The following PCDH9 variants were observed in gnomAD, a reference collection of about 807,000 sequenced individuals.
PCDH9 encodes protocadherin 9, also known as protocadherin-9.
PCDH9 carries 24 observed loss-of-function variants against 70.6 expected under a neutral mutation model. The ratio of observed to expected loss-of-function variants is 0.34; its 90% CI spans 0.25 to 0.48. The LOEUF (loss-of-function observed/expected upper bound fraction) is 0.48, where lower values mean the gene tolerates loss of function less well. PCDH9 is among the 20% of genes least tolerant of loss of function. The pLI is 0.99. For synonymous variants in PCDH9, 562 were observed against 558.5 expected (o/e 1.01, Z -0.09); for missense variants, 1,281 against 1,503.6 (o/e 0.85, Z 2.45).
At chr13:66,725,317 A>T (rs2078992216) in intron 3 of PCDH9, among the ~76,000 whole-genome samples, 2 of 152,156 alleles carry the variant, frequency 1.3e-5, no homozygotes, top group African/African-American at 4.8e-5. Context: ...GATTAGTGTA[A>T]TAGCCTTTTA....
At chr13:66,676,700 T>C (rs2078247914) in intron 3 of PCDH9, among the ~76,000 whole-genome samples, 2 of 152,086 alleles carry the variant, frequency 1.3e-5, no homozygotes, top group African/African-American at 4.8e-5. Context: ...ATTATCTATC[T>C]ATTGACCAAT....
intron 2 of PCDH9, among the ~76,000 whole-genome samples, chr13:66,951,832 G>A (rs1360810050): frequency 1.3e-5 from 2 of 152,164 alleles, no homozygotes; most frequent in Non-Finnish European, 2.9e-5. Flanking sequence ...CTTTTTGTAT[G>A]TAGATACAGT....
intron 3 of PCDH9, among the ~76,000 whole-genome samples, chr13:66,855,095 A>G (rs2081373737): frequency 6.6e-6 from 1 of 152,120 alleles, no homozygotes; most frequent in African/African-American, 2.4e-5. Flanking sequence ...CCTTTCTTGT[A>G]CTTCATAAGT....
intron 4 of PCDH9, among the ~76,000 whole-genome samples, chr13:66,565,490 T>C (rs1041843847): frequency 6.6e-5 from 10 of 151,950 alleles, no homozygotes; most frequent in African/African-American, 2.4e-4. Context: ...CCAGAGAGAG[T>C]GGCAGATTTT....
intron 4 of PCDH9, among the ~76,000 whole-genome samples, chr13:66,405,149 T>C (rs938190622): frequency 1.3e-5 from 2 of 152,160 alleles, no homozygotes; most frequent in African/African-American, 4.8e-5. Context: ...TCCATTTCCA[T>C]TTGCTCTATT....
chr13:66,840,249 T>G (rs1036888611), intron 3 of PCDH9, among the ~76,000 whole-genome samples: 1 of 147,646 alleles, frequency 6.8e-6, no homozygotes, highest in African/African-American at 2.4e-5. Context: ...TCTTTTATAT[T>G]ACATTAGAAA....
chr13:66,792,881 A>C (rs897823021), intron 3 of PCDH9, among the ~76,000 whole-genome samples: 1 of 152,134 alleles, frequency 6.6e-6, no homozygotes, highest in African/African-American at 2.4e-5. Context: ...AATTCAAGCA[A>C]CCTGAGTAGT....
intron 4 of PCDH9, among the ~76,000 whole-genome samples, chr13:66,592,729 T>C (rs1036130871): frequency 2.6e-5 from 4 of 151,658 alleles, no homozygotes; most frequent in African/African-American, 9.7e-5. Context: ...TCTGTAATAT[T>C]AGTGTAGGAA....
chr13:66,882,657 A>G (rs1477945264), intron 3 of PCDH9, among the ~76,000 whole-genome samples: 1 of 152,190 alleles, frequency 6.6e-6, no homozygotes, highest in Non-Finnish European at 1.5e-5. Flanking sequence ...GTATGCCATC[A>G]AAACATACTC....
intron 3 of PCDH9, among the ~76,000 whole-genome samples, chr13:66,758,560 T>A (rs2079572816): frequency 6.6e-6 from 1 of 152,084 alleles, no homozygotes; most frequent in Non-Finnish European, 1.5e-5. Context: ...TCTATCTATC[T>A]GTAATTTTAA....
intron 4 of PCDH9, among the ~76,000 whole-genome samples, chr13:66,565,001 G>T (rs1320745446): frequency 6.6e-6 from 1 of 151,932 alleles, no homozygotes; most frequent in Non-Finnish European, 1.5e-5. Flanking sequence ...CCCTTAGGAA[G>T]CTATACAAAT....
At chr13:66,597,569 A>G (rs895028070) in intron 4 of PCDH9, among the ~76,000 whole-genome samples, 9 of 151,800 alleles carry the variant, frequency 5.9e-5, no homozygotes, top group African/African-American at 2.2e-4. Context: ...CATCATACAC[A>G]AACATCAACT....
chr13:67,065,562 A>G (rs2085631042), intron 2 of PCDH9, among the ~76,000 whole-genome samples: 1 of 152,206 alleles, frequency 6.6e-6, no homozygotes, highest in Non-Finnish European at 1.5e-5. Flanking sequence ...TAAATACACC[A>G]TAATAGTATA....
intron 3 of PCDH9, among the ~76,000 whole-genome samples, chr13:66,849,666 T>C (rs1053227096): frequency 1.3e-5 from 2 of 151,830 alleles, no homozygotes; most frequent in African/African-American, 2.4e-5. Flanking sequence ...GGGAAGAATG[T>C]GTGATTAAGT....
intron 4 of PCDH9, among the ~76,000 whole-genome samples, chr13:66,422,951 C>T (rs1957595296): frequency 6.6e-6 from 1 of 151,906 alleles, no homozygotes; most frequent in Non-Finnish European, 1.5e-5. Context: ...ATCAAGAAGA[C>T]ACAATAAAAC....
At chr13:67,091,866 A>G (rs1182275976) in intron 2 of PCDH9, among the ~76,000 whole-genome samples, 1 of 152,154 alleles carries the variant, frequency 6.6e-6, no homozygotes, top group Admixed American at 6.6e-5. Flanking sequence ...ATAATCATGT[A>G]CTTTTATCCC....
chr13:66,864,896 A>G (rs2081545158), intron 3 of PCDH9, among the ~76,000 whole-genome samples: 1 of 152,276 alleles, frequency 6.6e-6, no homozygotes, highest in African/African-American at 2.4e-5. Context: ...GTACTAAGAA[A>G]GAAAGCCCAG....
At chr13:67,212,158 C>CA (rs1421904291) in intron 2 of PCDH9, 3 of 151,974 alleles carry the variant, frequency 2.0e-5, no homozygotes, top group Admixed American at 2.0e-4. Context: ...TGAAAAAGTA[C>CA]ATTTCCCTCC....
chr13:66,448,632 G>C (rs1958144912), intron 4 of PCDH9, among the ~76,000 whole-genome samples: 1 of 152,056 alleles, frequency 6.6e-6, no homozygotes, highest in Non-Finnish European at 1.5e-5. Context: ...CACAGAAATT[G>C]GGACAGAGAC....
Sources: allele counts gnomAD v4.1 joint callset (sites outside exome capture counted in the v4.1 genomes callset), GRCh38; gene constraint gnomAD v4.1.1; transcripts MANE v1.5; gene names NCBI Gene and HGNC (gene_info 2026-07-23, HGNC 2026-07-21).